CCSER1: variants seen among roughly 807,000 people sequenced by gnomAD.
CCSER1 encodes serine-rich coiled-coil domain-containing protein 1.
In CCSER1, 41 loss-of-function variants were observed where a neutral mutation model predicts 82.0. The ratio of observed to expected loss-of-function variants is 0.50; its 90% CI spans 0.39 to 0.65. CCSER1 has a LOEUF of 0.65. CCSER1 is among the 30% of genes least tolerant of loss of function. The pLI is 0.00. For missense variants in CCSER1, 1,119 were observed against 1,064.2 expected (o/e 1.05, Z -0.72); for synonymous variants, 414 against 383.9 (o/e 1.08, Z -0.92).
chr4:90,890,893 C>A (rs966104179), intron 8 of CCSER1, among the ~76,000 whole-genome samples: 1 of 152,054 alleles, frequency 6.6e-6, no homozygotes, highest in Admixed American at 6.6e-5. Flanking sequence ...AGGCACATAA[C>A]TTCAGAAAAA....
chr4:91,072,799 G>T (rs1289244953), intron 9 of CCSER1, among the ~76,000 whole-genome samples: 4 of 151,960 alleles, frequency 2.6e-5, no homozygotes, highest in Non-Finnish European at 4.4e-5. Flanking sequence ...GTAACATATT[G>T]TAATTGTGAG....
At chr4:90,724,796 T>C (rs1237953123) in intron 7 of CCSER1, 1 of 267,030 alleles carries the variant, frequency 3.7e-6, no homozygotes, top group South Asian at 3.9e-5. Context: ...ACTGCAATAT[T>C]TTAACATACA....
intron 5 of CCSER1, among the ~76,000 whole-genome samples, chr4:90,504,463 C>T (rs1287305129): frequency 6.6e-6 from 1 of 152,134 alleles, no homozygotes; most frequent in Admixed American, 6.6e-5. Flanking sequence ...ATAGCTGGAT[C>T]CAAATTCTCT....
chr4:90,985,279 T>G (rs1357810172), intron 9 of CCSER1, among the ~76,000 whole-genome samples: 4 of 151,752 alleles, frequency 2.6e-5, no homozygotes, highest in Admixed American at 2.0e-4. Flanking sequence ...CTCTTTTTAT[T>G]CTTCTTTCTT....
intron 10 of CCSER1, among the ~76,000 whole-genome samples, chr4:91,272,719 T>C (rs767161739): frequency 2.0e-5 from 3 of 152,230 alleles, no homozygotes; most frequent in Non-Finnish European, 2.9e-5. Flanking sequence ...AGAATTTTTA[T>C]AGTTTCAGGT....
At chr4:90,817,745 A>G (rs1759206948) in intron 8 of CCSER1, among the ~76,000 whole-genome samples, 1 of 152,060 alleles carries the variant, frequency 6.6e-6, no homozygotes, top group Admixed American at 6.6e-5. Context: ...CATGGTTGGA[A>G]AAAAAATTGT....
chr4:90,444,068 G>C (rs1349963555), intron 4 of CCSER1, among the ~76,000 whole-genome samples: 1 of 151,810 alleles, frequency 6.6e-6, no homozygotes, highest in Non-Finnish European at 1.5e-5. Context: ...GAGGGGGAAT[G>C]GGGTAAAGAA....
At chr4:91,304,709 A>T (rs13110111) in intron 10 of CCSER1, among the ~76,000 whole-genome samples, 8,491 of 152,150 alleles carry the variant, frequency 0.056, 319 homozygotes, top group Middle Eastern at 0.082. Flanking sequence ...TTACTTGGAC[A>T]CACTGTTAAC....
chr4:91,075,126 A>G (rs574669269), intron 9 of CCSER1, among the ~76,000 whole-genome samples: 187 of 151,756 alleles, frequency 1.2e-3, no homozygotes, highest in South Asian at 4.6e-3. Context: ...CGCAGTTACC[A>G]GGGGTGTTCA....
intron 5 of CCSER1, among the ~76,000 whole-genome samples, chr4:90,622,345 G>C (rs1377764938): frequency 9.2e-5 from 14 of 152,134 alleles, no homozygotes; most frequent in Non-Finnish European, 1.5e-5. Flanking sequence ...ATGTATACAT[G>C]TGCCATGTTG....
At chr4:91,416,125 G>T (rs1026699310) in intron 10 of CCSER1, among the ~76,000 whole-genome samples, 20 of 151,634 alleles carry the variant, frequency 1.3e-4, no homozygotes, top group African/African-American at 4.4e-4. Context: ...TCAGTCTTGG[G>T]TAGGAATACA....
intron 5 of CCSER1, among the ~76,000 whole-genome samples, chr4:90,565,921 C>T (rs1030213386): frequency 2.7e-5 from 4 of 150,000 alleles, no homozygotes; most frequent in Non-Finnish European, 5.9e-5. Flanking sequence ...AGTGCAGAAG[C>T]GCAATCTTGG....
chr4:90,199,923 C>T (rs1272602843), intron 1 of CCSER1, among the ~76,000 whole-genome samples: 1 of 152,060 alleles, frequency 6.6e-6, no homozygotes, highest in Non-Finnish European at 1.5e-5. Context: ...CCCAATATTG[C>T]ATAGCAATTA....
intron 3 of CCSER1, among the ~76,000 whole-genome samples, chr4:90,341,335 A>G (rs1325501766): frequency 6.6e-6 from 1 of 152,114 alleles, no homozygotes; most frequent in Non-Finnish European, 1.5e-5. Context: ...TCTTGTAATC[A>G]TCTTTGACAT....
chr4:90,525,643 T>G (rs1227402789), intron 5 of CCSER1, among the ~76,000 whole-genome samples: 2 of 152,110 alleles, frequency 1.3e-5, no homozygotes, highest in Non-Finnish European at 2.9e-5. Flanking sequence ...TTTTCAGACT[T>G]TTTTTGTTCC....
chr4:91,518,807 C>T (rs543136615), intron 10 of CCSER1, among the ~76,000 whole-genome samples: 4 of 152,284 alleles, frequency 2.6e-5, no homozygotes, highest in Admixed American at 2.6e-4. Flanking sequence ...CCCAGGGAAA[C>T]TGAGAGCCAC....
At chr4:90,711,040 C>T (rs1182935247) in intron 6 of CCSER1, among the ~76,000 whole-genome samples, 2 of 151,890 alleles carry the variant, frequency 1.3e-5, no homozygotes, top group African/African-American at 4.8e-5. Flanking sequence ...TGAAGATATC[C>T]TTCACTTCCC....
intron 10 of CCSER1, among the ~76,000 whole-genome samples, chr4:91,230,596 GT>G (rs1560531902): frequency 6.6e-6 from 1 of 151,824 alleles, no homozygotes; most frequent in African/African-American, 2.4e-5. Flanking sequence ...TACATGATTT[GT>G]GCCTATCTAT....
intron 5 of CCSER1, among the ~76,000 whole-genome samples, chr4:90,491,940 T>C (rs1046222283): frequency 1.3e-5 from 2 of 152,216 alleles, no homozygotes; most frequent in African/African-American, 4.8e-5. Context: ...TGAGGATTTT[T>C]GCATCGATGT....
Sources: allele counts gnomAD v4.1 joint callset (sites outside exome capture counted in the v4.1 genomes callset), GRCh38; gene constraint gnomAD v4.1.1; transcripts MANE v1.5; gene names NCBI Gene and HGNC (gene_info 2026-07-23, HGNC 2026-07-21).